The following DGKK variants were observed in gnomAD, a reference collection of about 807,000 sequenced individuals.
The protein encoded by DGKK is diacylglycerol kinase kappa, also known as 142 kDa diacylglycerol kinase.
A neutral mutation model predicts 92.2 loss-of-function variants in DGKK; 35 were observed. The ratio of observed to expected loss-of-function variants is 0.38; its 90% CI spans 0.29 to 0.50. The LOEUF is 0.50. DGKK is among the 20% of genes least tolerant of loss of function. DGKK has a pLI of 0.92. For synonymous variants in DGKK, 368 were observed against 360.6 expected (o/e 1.02, Z -0.23); for missense variants, 910 against 992.2 (o/e 0.92, Z 1.11).
intron 26 of DGKK, 93 bp downstream of exon 26, chrX:50,371,631 C>G (rs1602264058): frequency 7.7e-6 from 5 of 649,397 alleles, no homozygotes; most frequent in Non-Finnish European, 1.2e-5. Flanking sequence ...ACCCCCTGTA[C>G]TACAGTCACC....
intron 21 of DGKK, 42 bp from the exon 22 acceptor site, chrX:50,378,274 C>T (rs1557224063): frequency 1.7e-6 from 2 of 1,182,215 alleles, no homozygotes; most frequent in African/African-American, 1.8e-5. Context: ...AAAAATGGGG[C>T]AACTGCTGTA....
In DGKK at chrX:50,427,428, G is replaced by A. The variant is rs190112833; in HGVS notation, c.646-3070C>T. Among the ~76,000 whole-genome samples the A allele has an allele frequency of 1.3e-4, 14 of 110,039 alleles. No homozygotes were observed. In the East Asian group the frequency reaches 4.0e-3, roughly 31 times the overall value. On this transcript the variant is annotated intron_variant, in intron 1 of 27. Transcript: ENST00000611977. ...TACTACCCTGTATGATACTGTAATG[G>A]TGGCTACATGTCATTATACATTTGT...
intron 4 of DGKK, among the ~76,000 whole-genome samples, chrX:50,413,091 C>T (rs1470320054): frequency 9.0e-6 from 1 of 110,659 alleles, no homozygotes; most frequent in Non-Finnish European, 1.9e-5. Context: ...AGTTTCATCC[C>T]GAAGCCCCCC....
chrX:50,443,704 T>TTGTGTG (rs58486620), intron 1 of DGKK, among the ~76,000 whole-genome samples: 7,380 of 99,464 alleles, frequency 0.074, 216 homozygotes, highest in Middle Eastern at 0.094. Context: ...TGCACTCATT[T>TTGTGTG]TGTGTGTGTG....
intron 10 of DGKK, among the ~76,000 whole-genome samples, 199 bp from the exon 11 acceptor site, chrX:50,391,775 T>TA (rs1924702412): frequency 1.8e-5 from 2 of 112,065 alleles, no homozygotes; most frequent in Non-Finnish European, 1.9e-5. Flanking sequence ...ACCCCAGTGT[T>TA]AACAACACAG....
At chrX:50,396,426 T>TA (rs1313101196) in intron 8 of DGKK, among the ~76,000 whole-genome samples, 1 of 112,064 alleles carries the variant, frequency 8.9e-6, no homozygotes, top group Admixed American at 9.5e-5. Context: ...ATTTCTTTTT[T>TA]AAAAAACTGA....
intron 23 of DGKK, 125 bp from the exon 24 acceptor site, chrX:50,376,290 T>A: frequency 1.6e-6 from 1 of 641,153 alleles, no homozygotes; most frequent in East Asian, 3.5e-5. Context: ...GACTCATGAC[T>A]CCCTCCTGTT....
chrX:50,465,011 G>A (rs1019059054), intron 1 of DGKK, among the ~76,000 whole-genome samples: 13 of 111,426 alleles, frequency 1.2e-4, no homozygotes, highest in African/African-American at 3.9e-4. Flanking sequence ...ATGTAATCGG[G>A]AAAATAATGT....
Position 50,470,754 on chromosome X carries a change from C to G in DGKK, c.-76G>C. ...GCTAAAGTACCCTCGGGCGCCCCGC[C>G]CACTCCAGTCCGGCAGCCCCTCGCA... On this transcript the variant is annotated 5_prime_UTR_variant, in exon 1 of 28. Transcript: ENST00000611977. 1 of 1,041,719 alleles carries G rather than the reference C, an allele frequency of 9.6e-7. No homozygotes were observed. 85.8% of individuals were successfully genotyped at this position (1,041,719 alleles called of 1,213,427 possible). A position where few individuals can be genotyped will look rare whatever the true frequency, so the allele number is the denominator to read the frequency against.
At chrX:50,398,510 T>C (rs1924912234) in intron 8 of DGKK, among the ~76,000 whole-genome samples, 2 of 111,917 alleles carry the variant, frequency 1.8e-5, no homozygotes, top group Admixed American at 1.9e-4. Context: ...AGTTAAAAGC[T>C]AACTCATGGG....
chrX:50,446,707 G>C (rs782628129), intron 1 of DGKK, among the ~76,000 whole-genome samples: 24 of 111,311 alleles, frequency 2.2e-4, no homozygotes, highest in African/African-American at 7.5e-4. Flanking sequence ...TTCTTTTACA[G>C]AGTAAAAGTT....
chrX:50,374,501 G>T (rs1030102635), intron 25 of DGKK, among the ~76,000 whole-genome samples: 1 of 111,276 alleles, frequency 9.0e-6, no homozygotes, highest in African/African-American at 3.3e-5. Flanking sequence ...ACTTTGTTAT[G>T]GCAGCCTTAG....
rs1557223009 is a variant in DGKK at position 50,370,476 on chromosome X, AC to A, written c.3685del (p.Val1229Ter). On this transcript the variant is annotated frameshift_variant, in exon 27 of 28. Coordinates refer to ENST00000611977, the MANE Select transcript of DGKK (RefSeq NM_001013742.4). LOFTEE classifies it high-confidence loss of function. The stretch of plus-strand genomic sequence containing the variant: ...TGATTTAGGCTTGCGTTCCTCTTCT[AC>A]CTTTTTCTTTCCCAATTTGGGGAAC... ...IKFPKLGKKK[V>X]EEERKPKSGQ... 3.4e-6 allele frequency: 4 copies of A among 1,191,430 alleles called. No individual in the cohort carries two copies. In the Admixed American group the frequency reaches 9.3e-5, roughly 28 times the overall value.
chrX:50,380,317 G>T (rs1249655908), intron 18 of DGKK, among the ~76,000 whole-genome samples: 1 of 110,598 alleles, frequency 9.0e-6, no homozygotes, highest in Non-Finnish European at 1.9e-5. Context: ...TTCCATTTCT[G>T]CTTGCTACCA....
chrX:50,419,624 C>A (rs1557228910), intron 4 of DGKK, among the ~76,000 whole-genome samples: 2 of 112,214 alleles, frequency 1.8e-5, no homozygotes, highest in African/African-American at 3.2e-5. Context: ...TTCATTTATT[C>A]ATTCAAAAGA....
chrX:50,429,703 A>G (rs1041790493), intron 1 of DGKK, among the ~76,000 whole-genome samples: 1 of 112,542 alleles, frequency 8.9e-6, no homozygotes, highest in South Asian at 3.7e-4. Context: ...ACAAAAAAGT[A>G]TTCTATGAAC....
chrX:50,404,958 T>C (rs1396704276), intron 4 of DGKK, among the ~76,000 whole-genome samples: 2 of 111,235 alleles, frequency 1.8e-5, no homozygotes, highest in Admixed American at 1.9e-4. Context: ...GGGGATTCTT[T>C]TAGGAATCCC....
intron 25 of DGKK, among the ~76,000 whole-genome samples, chrX:50,373,099 T>C (rs993039092): frequency 2.7e-5 from 3 of 111,943 alleles, no homozygotes; most frequent in African/African-American, 9.7e-5. Flanking sequence ...CTTAAGACAA[T>C]ACAAACTGCC....
intron 1 of DGKK, among the ~76,000 whole-genome samples, chrX:50,442,214 T>C (rs1926188073): frequency 9.0e-6 from 1 of 111,730 alleles, no homozygotes; most frequent in Admixed American, 9.5e-5. Context: ...GAATCCAAGA[T>C]ATAATGCCAT....
Sources: gnomAD v4.1 joint callset for allele counts (sites outside exome capture counted in the v4.1 genomes callset) on GRCh38, gnomAD v4.1.1 for gene constraint, MANE v1.5 for transcripts, NCBI Gene and HGNC (gene_info 2026-07-23, HGNC 2026-07-21) for gene names.